OSBPL10: variants seen among roughly 807,000 people sequenced by gnomAD.
OSBPL10 encodes the protein oxysterol binding protein like 10, also known as oxysterol-binding protein-related protein 10.
OSBPL10 carries 49 observed loss-of-function variants against 81.7 expected under a neutral mutation model. The observed-to-expected ratio is 0.60, with a 90% CI of 0.48 to 0.76. The LOEUF (loss-of-function observed/expected upper bound fraction) is 0.76, where lower values mean the gene tolerates loss of function less well. Among genes scored for constraint, OSBPL10 ranks in the 30% least tolerant of loss-of-function variants. The pLI, the probability that OSBPL10 is intolerant of heterozygous loss-of-function variation, is 0.00. For synonymous variants in OSBPL10, 419 were observed against 383.6 expected (o/e 1.09, Z -1.08); for missense variants, 923 against 987.8 (o/e 0.93, Z 0.88).
intron 1 of OSBPL10, among the ~76,000 whole-genome samples, chr3:31,927,092 C>CA (rs1553641184): frequency 6.6e-6 from 1 of 152,148 alleles, no homozygotes; most frequent in Non-Finnish European, 1.5e-5. Flanking sequence ...GCCTGGGTGA[C>CA]AGAGTGAGAC....
chr3:31,843,216 T>A (rs147998066), intron 3 of OSBPL10, among the ~76,000 whole-genome samples: 1 of 152,220 alleles, frequency 6.6e-6, no homozygotes, highest in Non-Finnish European at 1.5e-5. Flanking sequence ...AATCTAGGCA[T>A]GCAAGAGAGA....
chr3:31,973,864 C>T (rs988753794), intron 1 of OSBPL10, among the ~76,000 whole-genome samples: 24 of 152,214 alleles, frequency 1.6e-4, no homozygotes, highest in Non-Finnish European at 3.1e-4. Flanking sequence ...CATGTGACCA[C>T]ACAAAGACTT....
At chr3:31,774,117 G>C (rs941924105) in intron 4 of OSBPL10, among the ~76,000 whole-genome samples, 1 of 146,682 alleles carries the variant, frequency 6.8e-6, no homozygotes, top group Non-Finnish European at 1.5e-5. Flanking sequence ...AGCCGAGATT[G>C]CACCACTTCA....
chr3:31,828,781 C>T (rs548556146), intron 4 of OSBPL10, among the ~76,000 whole-genome samples: 1 of 152,196 alleles, frequency 6.6e-6, no homozygotes, highest in Non-Finnish European at 1.5e-5. Context: ...GATCCACCCA[C>T]CTTGGCCTCC....
Position 31,989,246 on chromosome 3 carries a change from A to G in OSBPL10, n.298+57245T>C, listed in dbSNP as rs1397855896. On this transcript the variant is annotated intron_variant and non_coding_transcript_variant, in intron 2 of 3. Coordinates refer to the OSBPL10 transcript ENST00000479173. ...TTATACAGGGCCATGATGTTGGAGA[A>G]CTACAGGAACCTGCATTCTGTGGAT... 3 of 1,614,098 alleles carry G rather than the reference A, an allele frequency of 1.9e-6. No homozygotes were observed. In the African/African-American group the frequency reaches 4.0e-5, roughly 22 times the overall value.
At chr3:31,931,014 C>CAAAAAAAAAAA (rs60251266) in intron 1 of OSBPL10, among the ~76,000 whole-genome samples, 1 of 62,064 alleles carries the variant, frequency 1.6e-5, no homozygotes, top group Non-Finnish European at 2.8e-5. Flanking sequence ...GACTCGGTCT[C>CAAAAAAAAAAA]AAAAAAAAAA....
chr3:31,998,933 T>C (rs534576260), intron 2 of OSBPL10, among the ~76,000 whole-genome samples: 18 of 152,240 alleles, frequency 1.2e-4, no homozygotes. Context: ...CACTTTAGTA[T>C]AAGTGGATAT....
intron 5 of OSBPL10, among the ~76,000 whole-genome samples, chr3:31,734,581 T>C (rs748801878): frequency 1.3e-5 from 2 of 151,876 alleles, no homozygotes; most frequent in African/African-American, 2.4e-5. Flanking sequence ...CTACAAAAAA[T>C]ATAAAAATAA....
chr3:32,077,245 C>CAA (rs1699883044), intron 1 of OSBPL10, among the ~76,000 whole-genome samples: 1 of 152,140 alleles, frequency 6.6e-6, no homozygotes, highest in African/African-American at 2.4e-5. Flanking sequence ...TTCACGGTCT[C>CAA]AGTTATAATT....
rs372175774 is a variant in OSBPL10 at position 31,966,751 on chromosome 3, C to A, written c.281+14148G>T. 1.7e-4 allele frequency among the ~76,000 whole-genome samples: 26 copies of A among 151,540 alleles called. No homozygotes were observed. The East Asian group carries it at 3.7e-3, about 21-fold the overall frequency. Reference sequence around the variant, plus strand: ...CTCACAACCATAAGAAAACAAACAACCTGATTGAAATCCAATTTAAAAATG... The same window carrying A: ...CTCACAACCATAAGAAAACAAACAAACTGATTGAAATCCAATTTAAAAATG... On this transcript the variant is annotated intron_variant, in intron 1 of 11. Coordinates refer to ENST00000396556, the MANE Select transcript of OSBPL10 (RefSeq NM_017784.5).
chr3:31,753,336 C>G (rs1367340483), intron 4 of OSBPL10, among the ~76,000 whole-genome samples: 1 of 152,024 alleles, frequency 6.6e-6, no homozygotes, highest in African/African-American at 2.4e-5. Context: ...CAGGTATGCA[C>G]CACCACGCCC....
intron 1 of OSBPL10, among the ~76,000 whole-genome samples, chr3:31,943,996 G>A (rs1208300238): frequency 4.4e-3 from 360 of 81,246 alleles, no homozygotes; most frequent in Middle Eastern, 0.014. Context: ...AAAAAAAAAA[G>A]TTCTTTAGAA....
intron 3 of OSBPL10, among the ~76,000 whole-genome samples, chr3:31,850,405 A>G (rs1408510375): frequency 6.6e-6 from 1 of 152,106 alleles, no homozygotes; most frequent in Non-Finnish European, 1.5e-5. Flanking sequence ...AAAAACAATA[A>G]ACCAGGAAAG....
chr3:31,699,436 G>C (rs544786512), intron 7 of OSBPL10, among the ~76,000 whole-genome samples: 1 of 152,168 alleles, frequency 6.6e-6, no homozygotes, highest in South Asian at 2.1e-4. Context: ...CACAATTTGT[G>C]GAAATACAGT....
chr3:31,997,510 G>A (rs774820748), intron 2 of OSBPL10, among the ~76,000 whole-genome samples: 129 of 151,926 alleles, frequency 8.5e-4, no homozygotes, highest in Non-Finnish European at 1.7e-3. Flanking sequence ...TGATCTGCCC[G>A]CTTCAGCCTC....
chr3:31,941,717 T>C (rs1378355625), intron 1 of OSBPL10, among the ~76,000 whole-genome samples: 1 of 152,218 alleles, frequency 6.6e-6, no homozygotes, highest in Admixed American at 6.5e-5. Flanking sequence ...GGCCCATCTT[T>C]CCTTTGAAAG....
chr3:32,032,290 C>T (rs1272611628), intron 2 of OSBPL10, among the ~76,000 whole-genome samples: 3 of 152,052 alleles, frequency 2.0e-5, no homozygotes, highest in African/African-American at 7.2e-5. Flanking sequence ...TGGGGGGCAC[C>T]TGTAATCCCA....
chr3:32,045,573 A>G (rs958418417), intron 2 of OSBPL10, among the ~76,000 whole-genome samples: 2 of 152,192 alleles, frequency 1.3e-5, no homozygotes, highest in African/African-American at 4.8e-5. Context: ...AGGGGTTCCA[A>G]ACTGACAGCT....
At position 31,935,233 on chromosome 3, in the gene OSBPL10, T is replaced by C. The variant is rs140452325; in HGVS notation, c.281+45666A>G. On this transcript the variant is annotated intron_variant, in intron 1 of 11. Coordinates refer to ENST00000396556, the MANE Select transcript of OSBPL10 (RefSeq NM_017784.5). ...CTGGGGAGATGAGAATTTTTAACTATAATTTTTGCCACCCAGAGCAAAACC... is the reference window on the plus strand; with the variant it reads ...CTGGGGAGATGAGAATTTTTAACTACAATTTTTGCCACCCAGAGCAAAACC... Among the ~76,000 whole-genome samples, 165 of 152,284 alleles carry C rather than the reference T, an allele frequency of 1.1e-3. No individual in the cohort carries two copies. In the East Asian group the frequency reaches 0.025, roughly 23 times the overall value.
Sources: gnomAD v4.1 joint callset for allele counts (sites outside exome capture counted in the v4.1 genomes callset) on GRCh38, gnomAD v4.1.1 for gene constraint, MANE v1.5 for transcripts, NCBI Gene and HGNC (gene_info 2026-07-23, HGNC 2026-07-21) for gene names.